Variants in BPIFC observed in about 807,000 individuals in gnomAD.
BPIFC encodes the protein BPI fold-containing family C protein.
Under a neutral mutation model 57.6 loss-of-function variants are expected in BPIFC, and 60 were observed. That is an observed-to-expected ratio of 1.04 (90% CI 0.85 to 1.29). The LOEUF is 1.29. Ranked by LOEUF, BPIFC falls within the 50% of genes most tolerant of loss-of-function variation. The pLI, the probability that BPIFC is intolerant of heterozygous loss-of-function variation, is 0.00. For synonymous variants in BPIFC, 243 were observed against 224.5 expected (o/e 1.08, Z -0.74); for missense variants, 581 against 600.5 (o/e 0.97, Z 0.34).
At chr22:32,452,379 G>C (rs1934918468) in intron 4 of BPIFC, among the ~76,000 whole-genome samples, 1 of 152,136 alleles carries the variant, frequency 6.6e-6, no homozygotes, top group Non-Finnish European at 1.5e-5. Flanking sequence ...GCTCACGCCT[G>C]TAATCCCAGC....
At chr22:32,424,002 G>GT (rs1263072102) in intron 13 of BPIFC, among the ~76,000 whole-genome samples, 1 of 136,388 alleles carries the variant, frequency 7.3e-6, no homozygotes, top group Admixed American at 7.1e-5. Flanking sequence ...GTTTCTCCCT[G>GT]TTATTTGGTC....
At chr22:32,457,905 C>A (rs900931728) in intron 2 of BPIFC, among the ~76,000 whole-genome samples, 2 of 152,202 alleles carry the variant, frequency 1.3e-5, no homozygotes, top group African/African-American at 4.8e-5. Context: ...GCAGGCAGGA[C>A]TTCTCCTCTT....
intron 13 of BPIFC, among the ~76,000 whole-genome samples, chr22:32,427,236 A>AT (rs1325144408): frequency 6.6e-6 from 1 of 152,234 alleles, no homozygotes; most frequent in Non-Finnish European, 1.5e-5. Context: ...CATAACAGCC[A>AT]TTGAACGTGC....
At chr22:32,444,650 G>A (rs555952042) in intron 7 of BPIFC, among the ~76,000 whole-genome samples, 4 of 152,292 alleles carry the variant, frequency 2.6e-5, no homozygotes, top group African/African-American at 9.6e-5. Flanking sequence ...TATAGCTTTG[G>A]AAAGGATCTT....
At chr22:32,459,758 G>A (rs199498920) in intron 2 of BPIFC, among the ~76,000 whole-genome samples, 2 of 152,238 alleles carry the variant, frequency 1.3e-5, no homozygotes, top group East Asian at 3.9e-4. Flanking sequence ...GGCTGAGATG[G>A]GAGAATTGCT....
chr22:32,414,448 G>A, intron 16 of BPIFC, 23 bp from the exon 17 acceptor site: 1 of 1,611,046 alleles, frequency 6.2e-7, no homozygotes, highest in African/African-American at 1.3e-5. Context: ...TGACAATGAA[G>A]ATAACGTCAA....
At chr22:32,460,923 C>T (rs1373296260) in intron 2 of BPIFC, among the ~76,000 whole-genome samples, 1 of 152,156 alleles carries the variant, frequency 6.6e-6, no homozygotes, top group Non-Finnish European at 1.5e-5. Context: ...TAGAATGAAT[C>T]AATGGTAGAA....
Position 32,435,866 on chromosome 22 carries a change from T to G in BPIFC, c.762A>C (p.Pro254=), listed in dbSNP as rs140689499. Residue 254 remains proline, a synonymous_variant, in exon 10 of 17, where the codon CCA becomes CCC. Transcript: ENST00000300399. ...LDLNLKGVFY[P]LENLTDPPFS... is the part of the protein sequence containing the mutation. ...AGGGGGGGTCGGTGAGGTTTTCCAGTGGGTAGAATACACCCTGTGGGAAAA... is the reference window on the plus strand; with the variant it reads ...AGGGGGGGTCGGTGAGGTTTTCCAGGGGGTAGAATACACCCTGTGGGAAAA... 8 of 1,613,706 alleles carry G rather than the reference T, an allele frequency of 5.0e-6. 1 individual carries two copies. In the South Asian group the frequency reaches 8.8e-5, roughly 18 times the overall value.
chr22:32,447,362 G>T (rs1003214996), intron 4 of BPIFC, 22 bp from the exon 5 acceptor site: 1 of 1,606,238 alleles, frequency 6.2e-7, no homozygotes, highest in African/African-American at 1.3e-5. Flanking sequence ...GAAACAAGAA[G>T]TTAGGGCGAC....
intron 11 of BPIFC, 37 bp from the exon 12 acceptor site, chr22:32,432,580 G>A (rs1331207676): frequency 1.9e-6 from 3 of 1,601,416 alleles, no homozygotes; most frequent in Admixed American, 1.7e-5. Flanking sequence ...AGATTGTGAG[G>A]CGTGAGTTGG....
chr22:32,447,265 G>A lies in BPIFC; in HGVS notation c.321C>T (p.Thr107=). 1 of 1,614,092 alleles carries A rather than the reference G, an allele frequency of 6.2e-7. No homozygotes were observed. Among genetic ancestry groups the A allele is most frequent in the Non-Finnish European group, 8.5e-7 (1 of 1,179,998 alleles). The change falls in exon 5 of 17, where the codon ACC becomes ACT. Residue 107 remains threonine (T), a synonymous_variant. Transcript: ENST00000300399. ...FVPGVGIKAL[T]NHGTANISTD... ...TGCTGATGTTGGCAGTGCCATGGTTGGTTAGCGCTTTGATTCCCACTCCAG... is the reference window on the plus strand; with the variant it reads ...TGCTGATGTTGGCAGTGCCATGGTTAGTTAGCGCTTTGATTCCCACTCCAG...
At chr22:32,441,144 A>G (rs774729005) in intron 8 of BPIFC, among the ~76,000 whole-genome samples, 5 of 151,944 alleles carry the variant, frequency 3.3e-5, no homozygotes, top group Admixed American at 6.6e-5. Flanking sequence ...CACTTGAGAT[A>G]TTCAGCCTCA....
At chr22:32,417,172 T>A in intron 14 of BPIFC, 24 bp from the exon 15 acceptor site, 77 of 1,288,724 alleles carry the variant, frequency 6.0e-5, no homozygotes, top group Middle Eastern at 2.0e-4. Flanking sequence ...GGAAATAGAA[T>A]CAATTGGCAG....
In BPIFC at chr22:32,453,403, ATAATC is replaced by A; in HGVS notation, c.220_224del (p.Asp74CysfsTer57). Reference sequence around the variant, plus strand: ...CTTACTTTGAAAAATTGTAGTTTACATAATCAACTTTTAGAAATTCAAGAGACTCA... The same window carrying A: ...CTTACTTTGAAAAATTGTAGTTTACAAACTTTTAGAAATTCAAGAGACTCA... On this transcript the variant is annotated frameshift_variant, in exon 4 of 17. Transcript: ENST00000300399. LOFTEE classifies it high-confidence loss of function. The A allele has an allele frequency of 6.3e-7, 1 of 1,591,166 alleles. No homozygotes were observed.
intron 1 of BPIFC, 70 bp from the exon 2 acceptor site, chr22:32,461,731 C>T (rs1009191012): frequency 6.7e-6 from 5 of 745,302 alleles, no homozygotes; most frequent in Non-Finnish European, 8.2e-6. Flanking sequence ...AGGTTAGTGG[C>T]TGCTGACCAA....
chr22:32,462,168 C>CAAAAAAAAAAAAAAAAAAAAAAAGAAAA (rs35716277), intron 1 of BPIFC, among the ~76,000 whole-genome samples: 2 of 53,600 alleles, frequency 3.7e-5, no homozygotes, highest in Admixed American at 3.1e-4. Context: ...GACTCCATCT[C>CAAAAAAAAAAAAAAAAAAAAAAAGAAAA]AAAAAAAAAA....
chr22:32,440,273 T>C (rs1384658054), intron 8 of BPIFC, among the ~76,000 whole-genome samples: 1 of 151,932 alleles, frequency 6.6e-6, no homozygotes, highest in African/African-American at 2.4e-5. Flanking sequence ...TAGCTGGGAC[T>C]AAAGGCGCAC....
intron 2 of BPIFC, among the ~76,000 whole-genome samples, chr22:32,457,658 T>A (rs757813570): frequency 1.1e-4 from 16 of 152,098 alleles, no homozygotes; most frequent in Non-Finnish European, 2.1e-4. Context: ...CACACCAGCA[T>A]GTGTTCTAGG....
intron 13 of BPIFC, among the ~76,000 whole-genome samples, chr22:32,430,651 T>C (rs985893778): frequency 6.6e-6 from 1 of 150,720 alleles, no homozygotes; most frequent in Admixed American, 6.6e-5. Flanking sequence ...AGAGATATAT[T>C]TTTTTGAGAG....
Sources: gnomAD v4.1 joint callset for allele counts (sites outside exome capture counted in the v4.1 genomes callset) on GRCh38, gnomAD v4.1.1 for gene constraint, MANE v1.5 for transcripts, NCBI Gene and HGNC (gene_info 2026-07-23, HGNC 2026-07-21) for gene names.